TPCN1: variants seen among roughly 807,000 people sequenced by gnomAD.
TPCN1 encodes the protein two pore channel protein 1.
In TPCN1, 52 loss-of-function variants were observed where a neutral mutation model predicts 108.8. The ratio of observed to expected loss-of-function variants is 0.48; its 90% CI spans 0.38 to 0.60. The LOEUF is 0.60. Ranked by LOEUF, TPCN1 falls within the 20% of genes least tolerant of loss-of-function variation. The pLI is 0.00. For synonymous variants in TPCN1, 446 were observed against 433.7 expected (o/e 1.03, Z -0.35); for missense variants, 806 against 1,072.8 (o/e 0.75, Z 3.47).
intron 15 of TPCN1, among the ~76,000 whole-genome samples, chr12:113,280,537 T>TAC (rs548606677): frequency 1.4e-3 from 206 of 152,324 alleles, no homozygotes; most frequent in African/African-American, 4.5e-3. Context: ...GATTTGGGTT[T>TAC]TGTATGTTCC....
At chr12:113,292,162 TTAAAA>T (rs1956289893) in intron 25 of TPCN1, 1 of 571,896 alleles carries the variant, frequency 1.7e-6, no homozygotes, top group Non-Finnish European at 3.1e-6. Context: ...TAATCTAACT[TTAAAA>T]TAAGACAGAG....
chr12:113,245,617 A>C, intron 2 of TPCN1, among the ~76,000 whole-genome samples: 1 of 150,724 alleles, frequency 6.6e-6, no homozygotes, highest in Admixed American at 6.6e-5. Context: ...AAAAAAAAAA[A>C]AAAAGAAAAG....
chr12:113,277,987 A>G (rs1955730609), intron 12 of TPCN1, among the ~76,000 whole-genome samples: 1 of 152,096 alleles, frequency 6.6e-6, no homozygotes, highest in Non-Finnish European at 1.5e-5. Flanking sequence ...TGGATTACAT[A>G]TTTGTAGTAC....
chr12:113,296,094 G>A lies in TPCN1; in HGVS notation c.*18G>A, dbSNP rs772812461. On this transcript the variant is annotated 3_prime_UTR_variant, in exon 28 of 28. Coordinates refer to ENST00000335509, the MANE Select transcript of TPCN1 (RefSeq NM_017901.6). ...TTACCTAGCCCAGCGCCCGAAAGCC[G>A]TCTCTTCTATGCAATAACACAATAG... 37 of 1,611,638 alleles carry A rather than the reference G, an allele frequency of 2.3e-5. No homozygotes were observed. The East Asian group carries it at 3.6e-4, about 16-fold the overall frequency.
rs762803612 is a variant in TPCN1, at chr12:113,260,543, T to TGGGGC, written c.237+52_237+56dup. The TGGGGC allele has an allele frequency of 2.6e-6, 4 of 1,540,818 alleles. No individual in the cohort carries two copies. In the Admixed American group the frequency reaches 8.9e-5, roughly 34 times the overall value. On this transcript the variant is annotated intron_variant, in intron 3 of 27. Coordinates refer to ENST00000335509, the MANE Select transcript of TPCN1 (RefSeq NM_017901.6). Reference sequence around the variant, plus strand: ...CAGTTGTCTGCACCTGTTGGTGGGGTGGGGCAGCCAAGACTCTGTTAGGTG... The same window carrying TGGGGC: ...CAGTTGTCTGCACCTGTTGGTGGGGTGGGGCGGGGCAGCCAAGACTCTGTTAGGTG...
intron 3 of TPCN1, among the ~76,000 whole-genome samples, chr12:113,265,634 C>G (rs61943608): frequency 0.059 from 8,877 of 151,308 alleles, 349 homozygotes; most frequent in Middle Eastern, 0.071. Flanking sequence ...GCAGCTTTGA[C>G]CTCCCGGGCT....
rs1956477486 is a variant in TPCN1 at position 113,297,877 on chromosome 12, A to C, written c.*1801A>C. The C allele has an allele frequency of 6.6e-6, 1 of 152,204 alleles. No individual in the cohort carries two copies. The highest frequency in any genetic ancestry group is 1.5e-5 in the Non-Finnish European group (1 of 68,076). 9.4% of individuals were successfully genotyped at this position (152,204 alleles called of 1,614,324 possible). A position where few individuals can be genotyped will look rare whatever the true frequency, so the allele number is the denominator to read the frequency against. On this transcript the variant is annotated 3_prime_UTR_variant, in exon 28 of 28. Coordinates refer to ENST00000335509, the MANE Select transcript of TPCN1 (RefSeq NM_017901.6). The surrounding 1 kb of genome is among the most constrained non-coding windows in gnomAD (Gnocchi z 4.4). ...TGTTGAAATGGGCGTTTTGGAAGCA[A>C]GGGTCAGGGGACAGCTTCTAAAGGT...
chr12:113,227,053 G>T, intron 2 of TPCN1, 89 bp downstream of exon 2: 1 of 1,113,750 alleles, frequency 9.0e-7, no homozygotes, highest in Middle Eastern at 3.0e-4. Context: ...GATAGTAGGG[G>T]TGTGTAACTT....
chr12:113,246,258 G>A (rs2136502942), intron 2 of TPCN1, among the ~76,000 whole-genome samples: 1 of 152,352 alleles, frequency 6.6e-6, no homozygotes, highest in Middle Eastern at 3.4e-3. Context: ...TTAAGGGGCT[G>A]GTGCCACATA....
At position 113,272,608 on chromosome 12, in the gene TPCN1, T is replaced by C; in HGVS notation, c.749-50T>C. 1 of 1,565,940 alleles carries C rather than the reference T, an allele frequency of 6.4e-7. No individual in the cohort carries two copies. The highest frequency in any genetic ancestry group is 8.8e-7 in the Non-Finnish European group (1 of 1,136,152). On this transcript the variant is annotated intron_variant, in intron 7 of 27. Transcript: ENST00000335509. This position sits in a 1 kb window ranked among gnomAD's most constrained non-coding sequence, Gnocchi z 4.1. ...GTCCAGTCCTTTTGACACCAGGTTT[T>C]GGGACCTCTGCTCTAATCCTTTTGT...
Position 113,277,035 on chromosome 12 carries a change from G to C in TPCN1, c.1059G>C (p.Arg353Ser). ...CCTACCGCCTGCTCATCAGCCAGAGGGTAGGAACTATGGGCCAGGGAGGGG... is the reference window on the plus strand; with the variant it reads ...CCTACCGCCTGCTCATCAGCCAGAGCGTAGGAACTATGGGCCAGGGAGGGG... ...QHAYRLLISQ[R>S]RPAGISYRQF... Residue 353 changes from arginine to serine, a missense_variant and splice_region_variant, in exon 11 of 28, where the codon AGG (arginine) becomes AGC (serine). Arg to Ser is a moderately radical substitution (Grantham distance 110, BLOSUM62 -1). Coordinates refer to ENST00000335509, the MANE Select transcript of TPCN1 (RefSeq NM_017901.6). The C allele has an allele frequency of 6.2e-7, 1 of 1,613,364 alleles. No homozygotes were observed. The highest frequency in any genetic ancestry group is 1.1e-5 in the South Asian group (1 of 91,054).
chr12:113,257,051 A>G (rs933862206), intron 2 of TPCN1, among the ~76,000 whole-genome samples: 41 of 152,368 alleles, frequency 2.7e-4, no homozygotes, highest in African/African-American at 9.6e-4. Context: ...ATAATAAAAA[A>G]AAAGAAAAAG....
chr12:113,292,663 A>G, intron 25 of TPCN1: 1 of 383,100 alleles, frequency 2.6e-6, no homozygotes, highest in South Asian at 4.4e-5. Flanking sequence ...GTGCTATCAG[A>G]CCATCTGACC....
chr12:113,274,870 C>T lies in TPCN1; in HGVS notation c.942+1202C>T, dbSNP rs138584180. On this transcript the variant is annotated intron_variant, in intron 10 of 27. Coordinates refer to ENST00000335509, the MANE Select transcript of TPCN1 (RefSeq NM_017901.6). ...TAACCACTCTGTTCAGTTGCACTCA[C>T]GTGCCAGAAATGTCTTGTGTATTTC... 5.3e-3 allele frequency among the ~76,000 whole-genome samples: 806 copies of T among 152,290 alleles called. 9 individuals carry two copies. Among genetic ancestry groups the T allele is most frequent in the African/African-American group, 0.018 (761 of 41,568 alleles).
Position 113,260,413 on chromosome 12 carries a change from GCT to G in TPCN1, c.161_162del (p.Ser54TrpfsTer3). The G allele has an allele frequency of 6.5e-7, 1 of 1,545,326 alleles. No homozygotes were observed. Among genetic ancestry groups the G allele is most frequent in the Non-Finnish European group, 8.7e-7 (1 of 1,151,662 alleles). On this transcript the variant is annotated frameshift_variant, in exon 3 of 28. Coordinates refer to ENST00000335509, the MANE Select transcript of TPCN1 (RefSeq NM_017901.6). LOFTEE classifies it high-confidence loss of function. Reference sequence around the variant, plus strand: ...CACGACTCCCAGGCCCCCAGTCTCAGCTCTGGGGGTGAGAGTTCCCCCTCCAG... The same window carrying G: ...CACGACTCCCAGGCCCCCAGTCTCAGCTGGGGGTGAGAGTTCCCCCTCCAG...
rs546785616 is a variant in TPCN1, at chr12:113,267,111, C to T, written c.415-732C>T. Among the ~76,000 whole-genome samples the T allele has an allele frequency of 2.6e-5, 4 of 152,296 alleles. No homozygotes were observed. In the South Asian group the frequency reaches 8.3e-4, roughly 32 times the overall value. On this transcript the variant is annotated intron_variant, in intron 4 of 27. Coordinates refer to ENST00000335509, the MANE Select transcript of TPCN1 (RefSeq NM_017901.6). Reference sequence around the variant, plus strand: ...TCCACAGGCCCTGGACCTCCCTACCCCCAGGAGGAGGAGCTCTCCTATGTC... The same window carrying T: ...TCCACAGGCCCTGGACCTCCCTACCTCCAGGAGGAGGAGCTCTCCTATGTC...
At chr12:113,259,284 T>A (rs892575252) in intron 2 of TPCN1, among the ~76,000 whole-genome samples, 5 of 152,126 alleles carry the variant, frequency 3.3e-5, no homozygotes, top group African/African-American at 1.2e-4. Context: ...GCCCAAAACA[T>A]TAGATTCTTT....
chr12:113,292,069 C>G, intron 25 of TPCN1, 111 bp downstream of exon 25: 1 of 858,378 alleles, frequency 1.2e-6, no homozygotes, highest in South Asian at 1.4e-5. Flanking sequence ...TTTCTGCTGT[C>G]TGGCTGTCCA....
At chr12:113,279,321 G>GTGTGTGTGTGTGTATATATATA (rs1566188896) in intron 14 of TPCN1, among the ~76,000 whole-genome samples, 1 of 122,486 alleles carries the variant, frequency 8.2e-6, no homozygotes, top group East Asian at 2.4e-4. Context: ...ATATATATGT[G>GTGTGTGTGTGTGTATATATATA]TGTGTGTGTG....
Sources: gnomAD v4.1 joint callset for allele counts (sites outside exome capture counted in the v4.1 genomes callset) on GRCh38, gnomAD v4.1.1 for gene constraint, Gnocchi (gnomAD v3.1) non-coding constraint, MANE v1.5 for transcripts, NCBI Gene and HGNC (gene_info 2026-07-23, HGNC 2026-07-21) for gene names.